The following VPS29 variants were observed in gnomAD, a reference collection of about 807,000 sequenced individuals.
VPS29 encodes vacuolar protein sorting-associated protein 29.
Under a neutral mutation model 20.0 loss-of-function variants are expected in VPS29, and 2 were observed. The observed-to-expected ratio is 0.10, with a 90% CI of 0.04 to 0.31. VPS29 has a LOEUF of 0.31. Ranked by LOEUF, VPS29 falls within the 10% of genes least tolerant of loss-of-function variation. The pLI, the probability that VPS29 is intolerant of heterozygous loss-of-function variation, is 1.00. For synonymous variants in VPS29, 81 were observed against 79.3 expected (o/e 1.02, Z -0.12); for missense variants, 120 against 215.3 (o/e 0.56, Z 2.77).
At chr12:110,493,318 T>G in intron 2 of VPS29, 87 bp from the exon 3 acceptor site, 10 of 1,000,528 alleles carry the variant, frequency 1.0e-5, no homozygotes, top group Non-Finnish European at 1.2e-5. Flanking sequence ...TTCAATCTCC[T>G]ATGGATGTTT....
At chr12:110,495,466 T>G (rs1021577650) in intron 2 of VPS29, among the ~76,000 whole-genome samples, 1 of 152,104 alleles carries the variant, frequency 6.6e-6, no homozygotes, top group Non-Finnish European at 1.5e-5. Context: ...ATCCCAGCAC[T>G]TTAGGAGGCT....
chr12:110,496,949 A>C (rs924935132), intron 1 of VPS29: 13 of 152,120 alleles, frequency 8.5e-5, no homozygotes, highest in African/African-American at 2.9e-4. Flanking sequence ...CCTCACTGTC[A>C]TATTTTTATG....
At chr12:110,499,565 T>C (rs778735228) in intron 1 of VPS29, 73 of 1,598,600 alleles carry the variant, frequency 4.6e-5, no homozygotes, top group Non-Finnish European at 6.1e-5. Context: ...AATGAAGAAG[T>C]TGATTGCAGA....
At position 110,502,029 on chromosome 12, in the gene VPS29, G is replaced by C; in HGVS notation, c.3+20C>G. ...CCCACCCGAGAGCCAGGCCTTGGTCGCCGCAACTGCAGCCCTCACCATCCT... is the reference window on the plus strand; with the variant it reads ...CCCACCCGAGAGCCAGGCCTTGGTCCCCGCAACTGCAGCCCTCACCATCCT... On this transcript the variant is annotated intron_variant, in intron 1 of 3. Coordinates refer to ENST00000549578, the MANE Select transcript of VPS29 (RefSeq NM_016226.5). The C allele has an allele frequency of 6.2e-7, 1 of 1,612,960 alleles. No homozygotes were observed. The highest frequency in any genetic ancestry group is 8.5e-7 in the Non-Finnish European group (1 of 1,179,936).
At chr12:110,498,748 T>A in intron 1 of VPS29, 1 of 726,742 alleles carries the variant, frequency 1.4e-6, no homozygotes, top group Non-Finnish European at 1.7e-6. Flanking sequence ...CAGATCTCAG[T>A]GGACAAAACA....
chr12:110,498,974 C>T, intron 1 of VPS29: 2 of 342,200 alleles, frequency 5.8e-6, no homozygotes, highest in Non-Finnish European at 8.3e-6. Context: ...AACCACCACC[C>T]CAAACTCATA....
chr12:110,492,010 G>GT lies in VPS29; in HGVS notation c.543dup (p.Pro182ThrfsTer8). ...TCATCAAGACAGGCCTGGCTTTAAG[G>GT]TTTTTTGTATTCGATTCGTTCTACT... On this transcript the variant is annotated frameshift_variant, in exon 4 of 4. Transcript: ENST00000549578. LOFTEE classifies it high-confidence loss of function. 2 of 1,613,064 alleles carry GT rather than the reference G, an allele frequency of 1.2e-6. No individual in the cohort carries two copies. The highest frequency in any genetic ancestry group is 1.6e-4 in the Middle Eastern group (1 of 6,062).
At chr12:110,500,749 T>C (rs552581551) in intron 1 of VPS29, among the ~76,000 whole-genome samples, 113 of 146,240 alleles carry the variant, frequency 7.7e-4, no homozygotes, top group Non-Finnish European at 1.3e-3. Flanking sequence ...TTTCAAACAA[T>C]TGATTTTTTT....
At chr12:110,493,347 C>A (rs1054474499) in intron 2 of VPS29, 116 bp from the exon 3 acceptor site, 10 of 686,382 alleles carry the variant, frequency 1.5e-5, no homozygotes, top group Non-Finnish European at 1.9e-5. Flanking sequence ...TACCCCACAA[C>A]ACACACATTT....
At chr12:110,501,305 T>C in intron 1 of VPS29, 1 of 1,390,166 alleles carries the variant, frequency 7.2e-7, no homozygotes, top group Non-Finnish European at 9.8e-7. Flanking sequence ...TGAAGGTGGC[T>C]GGGGGAGACT....
At chr12:110,492,339 G>T (rs1435459805) in intron 3 of VPS29, among the ~76,000 whole-genome samples, 1 of 152,188 alleles carries the variant, frequency 6.6e-6, no homozygotes, top group Admixed American at 6.5e-5. Context: ...GGAGGCTGAG[G>T]TGGGTGGATC....
At chr12:110,492,402 T>C (rs2062830332) in intron 3 of VPS29, among the ~76,000 whole-genome samples, 1 of 152,058 alleles carries the variant, frequency 6.6e-6, no homozygotes, top group Admixed American at 6.6e-5. Context: ...AAACCCCATC[T>C]CTACTAAAAA....
intron 1 of VPS29, chr12:110,501,580 G>A: frequency 6.5e-7 from 1 of 1,535,218 alleles, no homozygotes; most frequent in Non-Finnish European, 8.7e-7. Context: ...AAGTTAAACG[G>A]GTACGAAATT....
At chr12:110,501,977 TC>T in intron 1 of VPS29, 71 bp downstream of exon 1, 1 of 1,611,960 alleles carries the variant, frequency 6.2e-7, no homozygotes. Context: ...GCCCTCGGCC[TC>T]CCCACGGCTC....
In VPS29 at chr12:110,500,485, C is replaced by G. The variant is rs535163384; in HGVS notation, c.3+1564G>C. 2.0e-5 allele frequency among the ~76,000 whole-genome samples: 3 copies of G among 152,202 alleles called. No homozygotes were observed. The South Asian group carries it at 6.2e-4, about 32-fold the overall frequency. ...TAAACGGATTACTTTAAATTGGAGT[C>G]TGTTTAGAAGCAAAAATTAAAAGTG... On this transcript the variant is annotated intron_variant, in intron 1 of 3. Coordinates refer to ENST00000549578, the MANE Select transcript of VPS29 (RefSeq NM_016226.5).
Position 110,499,374 on chromosome 12 carries a change from C to T in VPS29, c.3+2675G>A, listed in dbSNP as rs1236616522. 5.0e-6 allele frequency: 5 copies of T among 1,007,508 alleles called. No individual in the cohort carries two copies. The African/African-American group carries it at 8.2e-5, about 17-fold the overall frequency. 62.4% of individuals were successfully genotyped at this position (1,007,508 alleles called of 1,614,324 possible). On this transcript the variant is annotated intron_variant, in intron 1 of 3. Transcript: ENST00000549578. ...GAGTCCTTTAAGAAAGCAAAAGATC[C>T]TGGAAATGGCAGTCTTATTAAATTA...
intron 2 of VPS29, among the ~76,000 whole-genome samples, chr12:110,493,574 C>T (rs1316638532): frequency 6.6e-6 from 1 of 152,020 alleles, no homozygotes; most frequent in Non-Finnish European, 1.5e-5. Flanking sequence ...GTTGGCCAGG[C>T]TGGTTTCAAA....
rs1323734251 is a variant in VPS29 at position 110,496,092 on chromosome 12, T to C, written c.115A>G (p.Asn39Asp). The C allele has an allele frequency of 8.7e-6, 14 of 1,613,918 alleles. No individual in the cohort carries two copies. Among genetic ancestry groups the C allele is most frequent in the African/African-American group, 1.3e-5 (1 of 74,940 alleles). ...TCATAACTCTCTTTGGTGCAAAGGT[T>C]TCCTGTGCAGAGAATGTGCTGAATT... ...GKIQHILCTG[N>D]LCTKESYDYL... The change falls in exon 2 of 4, where the codon AAC (asparagine) becomes GAC (aspartate). Residue 39 changes from asparagine (N) to aspartate (D), a missense_variant. Coordinates refer to ENST00000549578, the MANE Select transcript of VPS29 (RefSeq NM_016226.5).
chr12:110,499,263 T>C (rs1245960099), intron 1 of VPS29: 3 of 347,728 alleles, frequency 8.6e-6, no homozygotes, highest in Non-Finnish European at 1.6e-5. Context: ...TATGGGGAAA[T>C]AGTGTTACAT....
Sources: allele counts gnomAD v4.1 joint callset (sites outside exome capture counted in the v4.1 genomes callset), GRCh38; gene constraint gnomAD v4.1.1; transcripts MANE v1.5; gene names NCBI Gene and HGNC (gene_info 2026-07-23, HGNC 2026-07-21).